Variants in CMTM7 observed in about 807,000 individuals in gnomAD.
CMTM7 encodes the protein CKLF like MARVEL transmembrane domain containing 7, also known as CKLF-like MARVEL transmembrane domain-containing protein 7.
A neutral mutation model predicts 19.3 loss-of-function variants in CMTM7; 7 were observed. That is an observed-to-expected ratio of 0.36 (90% CI 0.21 to 0.68). The LOEUF (loss-of-function observed/expected upper bound fraction) is 0.68, where lower values mean the gene tolerates loss of function less well. CMTM7 is among the 30% of genes least tolerant of loss of function. The pLI is 0.60. For missense variants in CMTM7, 193 were observed against 232.6 expected (o/e 0.83, Z 1.11); for synonymous variants, 87 against 99.3 (o/e 0.88, Z 0.74).
Position 32,454,419 on chromosome 3 carries a change from A to G in CMTM7, c.*165A>G. On this transcript the variant is annotated 3_prime_UTR_variant, in exon 5 of 5. Coordinates refer to ENST00000334983, the MANE Select transcript of CMTM7 (RefSeq NM_138410.4). ...GCTCTCCCAGGAAGCCAGCTCCCTG[A>G]GCTCCTGAGCCAGCCGGAAACTCTT... The G allele has an allele frequency of 1.2e-6, 1 of 810,844 alleles. No homozygotes were observed. Among genetic ancestry groups the G allele is most frequent in the Non-Finnish European group, 2.1e-6 (1 of 474,678 alleles). The allele number at this position is 810,844 out of a possible 1,614,324, so 50.2% of individuals were successfully genotyped here. A position where few individuals can be genotyped will look rare whatever the true frequency, so the allele number is the denominator to read the frequency against.
chr3:32,397,992 G>T (rs1695942763), intron 1 of CMTM7, among the ~76,000 whole-genome samples: 1 of 152,186 alleles, frequency 6.6e-6, no homozygotes, highest in South Asian at 2.1e-4. Flanking sequence ...TATTTAAATT[G>T]CATCTTGACA....
At chr3:32,442,498 C>CAAAAA (rs59568281) in intron 2 of CMTM7, among the ~76,000 whole-genome samples, 11 of 80,048 alleles carry the variant, frequency 1.4e-4, no homozygotes, top group Admixed American at 3.3e-4. Flanking sequence ...AGACTCCTCT[C>CAAAAA]AAAAAAAAAA....
intron 1 of CMTM7, among the ~76,000 whole-genome samples, chr3:32,411,792 G>T (rs1176387643): frequency 1.3e-5 from 2 of 152,164 alleles, no homozygotes; most frequent in Non-Finnish European, 1.5e-5. Context: ...GAAACACCCC[G>T]ACTTGGCCAG....
chr3:32,444,375 T>C lies in CMTM7; in HGVS notation c.333+2362T>C, dbSNP rs182824389. ...TGAAATCAGTTGACCATTAAATACA[T>C]GGATTTAGTTCTGGACTCTCAATTC... On this transcript the variant is annotated intron_variant, in intron 2 of 4. Coordinates refer to ENST00000334983, the MANE Select transcript of CMTM7 (RefSeq NM_138410.4). 8.8e-3 allele frequency among the ~76,000 whole-genome samples: 1,342 copies of C among 152,352 alleles called. 12 individuals are homozygous for C. The highest frequency in any genetic ancestry group is 0.03 in the African/African-American group (1,240 of 41,562).
In CMTM7 at chr3:32,449,388, C is replaced by A; in HGVS notation, c.334-66C>A. The A allele has an allele frequency of 9.8e-7, 1 of 1,022,104 alleles. No individual in the cohort carries two copies. Among genetic ancestry groups the A allele is most frequent in the Non-Finnish European group, 1.6e-6 (1 of 639,402 alleles). The allele number at this position is 1,022,104 out of a possible 1,614,324, so 63.3% of individuals were successfully genotyped here. On this transcript the variant is annotated intron_variant, in intron 2 of 4. Coordinates refer to ENST00000334983, the MANE Select transcript of CMTM7 (RefSeq NM_138410.4). The surrounding 1 kb of genome is among the most constrained non-coding windows in gnomAD (Gnocchi z 4.5). ...CTTTCTTTTCATGTCTTCTGATGCCCAGTTGCTCTTCCCGGACCAGAAATG... is the reference window on the plus strand; with the variant it reads ...CTTTCTTTTCATGTCTTCTGATGCCAAGTTGCTCTTCCCGGACCAGAAATG...
At chr3:32,408,211 T>C (rs1185217422) in intron 1 of CMTM7, among the ~76,000 whole-genome samples, 4 of 152,340 alleles carry the variant, frequency 2.6e-5, no homozygotes, top group African/African-American at 7.2e-5. Flanking sequence ...GATTTCAGAC[T>C]TCTGGCCTTG....
chr3:32,431,878 T>A (rs775350532), intron 1 of CMTM7, among the ~76,000 whole-genome samples: 1 of 152,224 alleles, frequency 6.6e-6, no homozygotes, highest in Non-Finnish European at 1.5e-5. Context: ...ACGCCTGTAA[T>A]CCCAACACTT....
Position 32,454,713 on chromosome 3 carries a change from C to G in CMTM7, c.*459C>G. ...AGATACCCTCTTTCCTGAAGTGAGG[C>G]GTGCCTGTAGAAACACTATGTGGTC... On this transcript the variant is annotated 3_prime_UTR_variant, in exon 5 of 5. Transcript: ENST00000334983. 1 of 340,588 alleles carries G rather than the reference C, an allele frequency of 2.9e-6. No individual in the cohort carries two copies. Among genetic ancestry groups the G allele is most frequent in the Non-Finnish European group, 5.8e-6 (1 of 171,578 alleles). The allele number at this position is 340,588 out of a possible 1,614,324, so 21.1% of individuals were successfully genotyped here.
intron 1 of CMTM7, among the ~76,000 whole-genome samples, chr3:32,439,873 CTT>C (rs1163133027): frequency 1.3e-5 from 2 of 152,212 alleles, no homozygotes; most frequent in Admixed American, 1.3e-4. Context: ...ATGGGTAACT[CTT>C]TACTATGGGA....
intron 1 of CMTM7, among the ~76,000 whole-genome samples, chr3:32,414,809 G>T (rs555124910): frequency 6.6e-6 from 1 of 152,170 alleles, no homozygotes; most frequent in Non-Finnish European, 1.5e-5. Context: ...GGAACTGTGC[G>T]TAGTGCTTTT....
chr3:32,411,791 C>T (rs954952950), intron 1 of CMTM7, among the ~76,000 whole-genome samples: 7 of 152,182 alleles, frequency 4.6e-5, no homozygotes, highest in African/African-American at 1.2e-4. Context: ...TGAAACACCC[C>T]GACTTGGCCA....
At position 32,454,270 on chromosome 3, in the gene CMTM7, T is replaced by G. The variant is rs1224251063; in HGVS notation, c.*16T>G. On this transcript the variant is annotated 3_prime_UTR_variant, in exon 5 of 5. Transcript: ENST00000334983. ...AGCCGTCTGATGAGGCCACAACCCC[T>G]AGGCCCCTCAGGAGCTTTGCAGAGA... is the stretch of plus-strand genomic sequence containing the variant. 2 of 1,613,620 alleles carry G rather than the reference T, an allele frequency of 1.2e-6. No homozygotes were observed. The highest frequency in any genetic ancestry group is 2.2e-5 in the South Asian group (2 of 91,070).
chr3:32,425,030 A>G (rs1241963829), intron 1 of CMTM7, among the ~76,000 whole-genome samples: 2 of 152,186 alleles, frequency 1.3e-5, no homozygotes. Context: ...AAGCAGTGTC[A>G]GTGGTTAAGA....
In CMTM7 at chr3:32,454,366, C is replaced by A; in HGVS notation, c.*112C>A. 2 of 1,371,600 alleles carry A rather than the reference C, an allele frequency of 1.5e-6. No individual in the cohort carries two copies. Among genetic ancestry groups the A allele is most frequent in the Non-Finnish European group, 2.1e-6 (2 of 970,994 alleles). 85.0% of individuals were successfully genotyped at this position (1,371,600 alleles called of 1,614,324 possible). On this transcript the variant is annotated 3_prime_UTR_variant, in exon 5 of 5. Coordinates refer to ENST00000334983, the MANE Select transcript of CMTM7 (RefSeq NM_138410.4). ...GCCAAAGTCCTGTCAGGCTGGTGGG[C>A]ACCAGGAAAGGCCTGCACCCTCTTC...
At chr3:32,420,841 C>A (rs1315166609) in intron 1 of CMTM7, among the ~76,000 whole-genome samples, 1 of 152,192 alleles carries the variant, frequency 6.6e-6, no homozygotes, top group Admixed American at 6.5e-5. Flanking sequence ...GGCCTGCTGC[C>A]TGCTTGCTTG....
rs62252084 is a variant in CMTM7 at position 32,449,857 on chromosome 3, G to T, written c.432+305G>T. On this transcript the variant is annotated intron_variant, in intron 3 of 4. Transcript: ENST00000334983. The surrounding 1 kb of genome is among the most constrained non-coding windows in gnomAD (Gnocchi z 4.5). ...ATTCACACACCCACTCTGATCATTT[G>T]CTCGTTGGCTGCCTCAGCACTATGC... Among the ~76,000 whole-genome samples, 20,256 of 152,064 alleles carry T rather than the reference G, an allele frequency of 0.13. 1,514 individuals carry two copies. The highest frequency in any genetic ancestry group is 0.18 in the Non-Finnish European group (11,947 of 67,958).
At position 32,452,918 on chromosome 3, in the gene CMTM7, A is replaced by T. The variant is rs570611315; in HGVS notation, c.514+445A>T. On this transcript the variant is annotated intron_variant, in intron 4 of 4. Coordinates refer to ENST00000334983, the MANE Select transcript of CMTM7 (RefSeq NM_138410.4). ...GGTGTGCACCACCATGCCTAATTTCAATTTTTTTTTTTTTTTTTTTTTTTT... is the reference window on the plus strand; with the variant it reads ...GGTGTGCACCACCATGCCTAATTTCTATTTTTTTTTTTTTTTTTTTTTTTT... Among the ~76,000 whole-genome samples the T allele has an allele frequency of 5.7e-5, 5 of 87,922 alleles. No homozygotes were observed. In the East Asian group the frequency reaches 1.5e-3, roughly 27 times the overall value. 57.7% of individuals were successfully genotyped at this position (87,922 alleles called of 152,430 possible).
chr3:32,431,105 C>T (rs1167520566), intron 1 of CMTM7, among the ~76,000 whole-genome samples: 1 of 152,164 alleles, frequency 6.6e-6, no homozygotes, highest in African/African-American at 2.4e-5. Flanking sequence ...TATACAACTT[C>T]CTGGGCAGTG....
At chr3:32,444,238 G>A (rs1696720977) in intron 2 of CMTM7, among the ~76,000 whole-genome samples, 1 of 152,114 alleles carries the variant, frequency 6.6e-6, no homozygotes, top group South Asian at 2.1e-4. Flanking sequence ...TTTGCATAGG[G>A]TGTGAGGTAA....
Sources: allele counts gnomAD v4.1 joint callset (sites outside exome capture counted in the v4.1 genomes callset), GRCh38; gene constraint gnomAD v4.1.1; non-coding constraint Gnocchi (gnomAD v3.1); transcripts MANE v1.5; gene names NCBI Gene and HGNC (gene_info 2026-07-23, HGNC 2026-07-21).